RABGAP1L: variants seen among roughly 807,000 people sequenced by gnomAD.
RABGAP1L encodes the protein RAB GTPase activating protein 1 like, also known as rab GTPase-activating protein 1-like.
Under a neutral mutation model 137.7 loss-of-function variants are expected in RABGAP1L, and 63 were observed. The ratio of observed to expected loss-of-function variants is 0.46; its 90% CI spans 0.37 to 0.56. The LOEUF (loss-of-function observed/expected upper bound fraction) is 0.56, where lower values mean the gene tolerates loss of function less well. Ranked by LOEUF, RABGAP1L falls within the 20% of genes least tolerant of loss-of-function variation. The pLI, the probability that RABGAP1L is intolerant of heterozygous loss-of-function variation, is 0.00. For missense variants in RABGAP1L, 1,095 were observed against 1,244.0 expected (o/e 0.88, Z 1.80); for synonymous variants, 431 against 433.7 (o/e 0.99, Z 0.08).
chr1:174,913,049 C>T (rs1419678908), intron 19 of RABGAP1L, among the ~76,000 whole-genome samples: 1 of 151,804 alleles, frequency 6.6e-6, no homozygotes, highest in Non-Finnish European at 1.5e-5. Flanking sequence ...AATCTCAGCT[C>T]ACTGCAGCCT....
At chr1:174,613,676 T>A (rs1671493935) in intron 13 of RABGAP1L, among the ~76,000 whole-genome samples, 1 of 152,176 alleles carries the variant, frequency 6.6e-6, no homozygotes, top group African/African-American at 2.4e-5. Context: ...CTCCCATTAT[T>A]ATTGTGTGGG....
At chr1:174,326,426 T>C (rs944041198) in intron 11 of RABGAP1L, among the ~76,000 whole-genome samples, 15 of 152,076 alleles carry the variant, frequency 9.9e-5, no homozygotes, top group African/African-American at 2.9e-4. Context: ...AAAAATGCAA[T>C]AGAGGGCATC....
chr1:174,252,359 A>G (rs1055394604), intron 6 of RABGAP1L, 121 bp from the exon 7 acceptor site: 22 of 1,192,460 alleles, frequency 1.8e-5, no homozygotes, highest in Middle Eastern at 2.9e-4. Flanking sequence ...AGAGTTTAGT[A>G]TATCTTAAGA....
intron 15 of RABGAP1L, among the ~76,000 whole-genome samples, chr1:174,689,830 G>A (rs1467832922): frequency 6.6e-6 from 1 of 152,110 alleles, no homozygotes. Context: ...CAATGGAATG[G>A]TCTTCCTATA....
At chr1:174,637,734 A>G (rs1272949230) in intron 14 of RABGAP1L, among the ~76,000 whole-genome samples, 1 of 152,200 alleles carries the variant, frequency 6.6e-6, no homozygotes, top group Non-Finnish European at 1.5e-5. Context: ...CTAACAGGAA[A>G]GGAACAAAAG....
chr1:174,451,836 A>T (rs985291759), intron 13 of RABGAP1L, among the ~76,000 whole-genome samples: 1 of 152,190 alleles, frequency 6.6e-6, no homozygotes, highest in African/African-American at 2.4e-5. Flanking sequence ...TTAGTCTATA[A>T]TCAAACTGAA....
At chr1:174,176,894 C>A (rs1665936086) in intron 1 of RABGAP1L, among the ~76,000 whole-genome samples, 1 of 151,290 alleles carries the variant, frequency 6.6e-6, no homozygotes, top group South Asian at 2.1e-4. Context: ...GTCTGACCAA[C>A]ATGGTGAAAC....
chr1:174,468,260 A>G (rs1246457966), intron 13 of RABGAP1L, among the ~76,000 whole-genome samples: 2 of 152,198 alleles, frequency 1.3e-5, no homozygotes, highest in Non-Finnish European at 2.9e-5. Flanking sequence ...AAACAAATAG[A>G]GATTTCAGAA....
intron 13 of RABGAP1L, among the ~76,000 whole-genome samples, chr1:174,510,333 G>A (rs574841715): frequency 5.3e-5 from 8 of 152,048 alleles, no homozygotes; most frequent in South Asian, 2.1e-4. Context: ...TGTTTTATCC[G>A]TAGCAAGTAA....
At position 174,548,983 on chromosome 1, in the gene RABGAP1L, C is replaced by T. The variant is rs116387193; in HGVS notation, c.1711-88392C>T. ...CCATGAAGATTTAAAAATTTAGTGGCCGATACTTGAAATTGTATAGGTAGA... is the reference window on the plus strand; with the variant it reads ...CCATGAAGATTTAAAAATTTAGTGGTCGATACTTGAAATTGTATAGGTAGA... On this transcript the variant is annotated intron_variant, in intron 13 of 25. Coordinates refer to ENST00000681986, the MANE Select transcript of RABGAP1L (RefSeq NM_001366446.1). Among the ~76,000 whole-genome samples the T allele has an allele frequency of 2.5e-3, 381 of 152,228 alleles. 3 individuals carry two copies. Among genetic ancestry groups the T allele is most frequent in the African/African-American group, 8.9e-3 (370 of 41,544 alleles).
intron 19 of RABGAP1L, among the ~76,000 whole-genome samples, chr1:174,901,656 C>G (rs567654639): frequency 6.6e-6 from 1 of 152,316 alleles, no homozygotes; most frequent in Admixed American, 6.5e-5. Flanking sequence ...CACCCACCTT[C>G]TGAAGCCTAC....
At chr1:174,183,867 C>CTTTTTT (rs772022782) in intron 1 of RABGAP1L, among the ~76,000 whole-genome samples, 1 of 130,536 alleles carries the variant, frequency 7.7e-6, no homozygotes. Context: ...TTCAGATTGG[C>CTTTTTT]TTTTTTTTTT....
chr1:174,287,576 A>C (rs1676175528), intron 10 of RABGAP1L, among the ~76,000 whole-genome samples: 1 of 152,070 alleles, frequency 6.6e-6, no homozygotes, highest in South Asian at 2.1e-4. Context: ...CATTGCAACC[A>C]CCATCTCCTG....
At chr1:174,719,051 C>T (rs976895021) in intron 17 of RABGAP1L, among the ~76,000 whole-genome samples, 69 of 152,060 alleles carry the variant, frequency 4.5e-4, no homozygotes, top group African/African-American at 1.6e-3. Flanking sequence ...GTTGGTCAGG[C>T]TGGTCTCAAA....
chr1:174,515,819 A>G (rs1662775145), intron 13 of RABGAP1L, among the ~76,000 whole-genome samples: 1 of 152,134 alleles, frequency 6.6e-6, no homozygotes, highest in Admixed American at 6.5e-5. Context: ...AATGGTGGTA[A>G]AGGCATAACT....
chr1:174,891,759 C>A (rs1374870166), intron 19 of RABGAP1L, among the ~76,000 whole-genome samples: 1 of 152,154 alleles, frequency 6.6e-6, no homozygotes, highest in Non-Finnish European at 1.5e-5. Flanking sequence ...CCAGCCTCAG[C>A]CTCCCAAAGT....
intron 25 of RABGAP1L, 45 bp downstream of exon 25, chr1:174,988,883 A>G: frequency 6.8e-7 from 1 of 1,479,332 alleles, no homozygotes. Context: ...TAAACAATTA[A>G]TGGTCCAGGA....
chr1:174,516,648 C>T (rs974004993), intron 13 of RABGAP1L, among the ~76,000 whole-genome samples: 1 of 152,156 alleles, frequency 6.6e-6, no homozygotes, highest in Non-Finnish European at 1.5e-5. Context: ...TGAGTACACA[C>T]TGTGTGCCAA....
intron 18 of RABGAP1L, among the ~76,000 whole-genome samples, chr1:174,788,953 A>G (rs1687656066): frequency 6.6e-6 from 1 of 152,126 alleles, no homozygotes; most frequent in South Asian, 2.1e-4. Context: ...AGCTCAGGCC[A>G]TCCTCTCTCT....
Sources: allele counts gnomAD v4.1 joint callset (sites outside exome capture counted in the v4.1 genomes callset), GRCh38; gene constraint gnomAD v4.1.1; transcripts MANE v1.5; gene names NCBI Gene and HGNC (gene_info 2026-07-23, HGNC 2026-07-21).